The following IL1RAPL2 variants were observed in gnomAD, a reference collection of about 807,000 sequenced individuals.
IL1RAPL2 encodes the protein interleukin 1 receptor accessory protein like 2.
In IL1RAPL2, 3 loss-of-function variants were observed where a neutral mutation model predicts 44.1. That is an observed-to-expected ratio of 0.07 (90% CI 0.03 to 0.18). The LOEUF (loss-of-function observed/expected upper bound fraction) is 0.18, where lower values mean the gene tolerates loss of function less well. Among genes scored for constraint, IL1RAPL2 ranks in the 10% least tolerant of loss-of-function variants. The pLI is 1.00. For missense variants in IL1RAPL2, 391 were observed against 496.4 expected (o/e 0.79, Z 2.02); for synonymous variants, 181 against 178.8 (o/e 1.01, Z -0.10).
intron 2 of IL1RAPL2, among the ~76,000 whole-genome samples, chrX:105,024,054 CTG>C (rs911176649): frequency 9.0e-6 from 1 of 111,455 alleles, no homozygotes; most frequent in Non-Finnish European, 1.9e-5. Flanking sequence ...AACTGAAACT[CTG>C]TGAAATGAGC....
intron 1 of IL1RAPL2, among the ~76,000 whole-genome samples, chrX:104,588,049 C>T (rs766909557): frequency 2.4e-4 from 27 of 111,698 alleles, no homozygotes; most frequent in Non-Finnish European, 4.3e-4. Flanking sequence ...AAAATGAGGG[C>T]TTTGAGGAAT....
intron 1 of IL1RAPL2, among the ~76,000 whole-genome samples, chrX:104,576,793 C>G (rs1269013401): frequency 2.7e-5 from 3 of 111,881 alleles, no homozygotes; most frequent in Non-Finnish European, 5.6e-5. Flanking sequence ...CAACACCTCC[C>G]TCTCCGTTTT....
chrX:105,467,538 A>G (rs1055543790), intron 5 of IL1RAPL2, among the ~76,000 whole-genome samples: 2 of 111,751 alleles, frequency 1.8e-5, no homozygotes, highest in Admixed American at 9.6e-5. Context: ...GTTCAAACAT[A>G]CACGTATTGA....
intron 6 of IL1RAPL2, among the ~76,000 whole-genome samples, chrX:105,553,465 T>C (rs989091528): frequency 1.8e-5 from 2 of 111,854 alleles, no homozygotes; most frequent in Non-Finnish European, 3.8e-5. Context: ...GCTGAGCTAA[T>C]GCCCAGTGCT....
At chrX:104,591,092 C>T (rs1269025671) in intron 1 of IL1RAPL2, among the ~76,000 whole-genome samples, 1 of 111,787 alleles carries the variant, frequency 8.9e-6, no homozygotes, top group East Asian at 2.8e-4. Flanking sequence ...GCTATGGGGG[C>T]AAGTGTCTGA....
chrX:105,351,568 G>A (rs1212154265), intron 5 of IL1RAPL2, among the ~76,000 whole-genome samples: 1 of 110,311 alleles, frequency 9.1e-6, no homozygotes, highest in Admixed American at 9.7e-5. Flanking sequence ...CTCTTAAGTG[G>A]GAGTTGAAAA....
intron 2 of IL1RAPL2, among the ~76,000 whole-genome samples, chrX:105,078,590 G>C (rs752023922): frequency 8.9e-6 from 1 of 112,531 alleles, no homozygotes; most frequent in African/African-American, 3.2e-5. Context: ...GACTGCAGAC[G>C]TTATTGCTGT....
chrX:105,391,368 T>C (rs1047757418), intron 5 of IL1RAPL2, among the ~76,000 whole-genome samples: 1 of 109,530 alleles, frequency 9.1e-6, no homozygotes, highest in South Asian at 4.0e-4. Flanking sequence ...AGAAGACATT[T>C]ATGCAGCCAA....
intron 7 of IL1RAPL2, among the ~76,000 whole-genome samples, chrX:105,738,838 TA>T (rs1398299308): frequency 9.1e-6 from 1 of 110,414 alleles, no homozygotes; most frequent in East Asian, 2.9e-4. Flanking sequence ...TTTGCAGCTT[TA>T]AAAAAAGCAA....
intron 1 of IL1RAPL2, among the ~76,000 whole-genome samples, chrX:104,626,557 T>C (rs1245700031): frequency 9.0e-6 from 1 of 111,185 alleles, no homozygotes; most frequent in Non-Finnish European, 1.9e-5. Flanking sequence ...AGAACTTGGC[T>C]GTTTTATTAA....
intron 1 of IL1RAPL2, among the ~76,000 whole-genome samples, chrX:104,581,699 A>T (rs1928348950): frequency 9.0e-6 from 1 of 111,097 alleles, no homozygotes; most frequent in Non-Finnish European, 1.9e-5. Flanking sequence ...TTCATTAAAT[A>T]AACATCCACT....
intron 1 of IL1RAPL2, among the ~76,000 whole-genome samples, chrX:104,630,984 C>T (rs186594211): frequency 2.7e-5 from 3 of 110,412 alleles, no homozygotes; most frequent in East Asian, 5.7e-4. Flanking sequence ...TGCTATCCTA[C>T]CCCCCTCCCA....
intron 6 of IL1RAPL2, among the ~76,000 whole-genome samples, chrX:105,531,117 T>C (rs1038865388): frequency 7.2e-5 from 8 of 111,686 alleles, no homozygotes; most frequent in African/African-American, 2.6e-4. Flanking sequence ...TGCTGGATCA[T>C]ATGGTAGCTT....
intron 2 of IL1RAPL2, among the ~76,000 whole-genome samples, chrX:104,883,713 T>C (rs1923143530): frequency 9.0e-6 from 1 of 111,192 alleles, no homozygotes; most frequent in Admixed American, 9.6e-5. Flanking sequence ...TGTTACCTTC[T>C]TTAGGCACCC....
intron 5 of IL1RAPL2, among the ~76,000 whole-genome samples, chrX:105,479,739 C>CA (rs2036221642): frequency 9.6e-6 from 1 of 103,720 alleles, no homozygotes; most frequent in African/African-American, 3.6e-5. Context: ...AACTACATCT[C>CA]AAAAAATAAA....
intron 6 of IL1RAPL2, among the ~76,000 whole-genome samples, chrX:105,618,185 A>C (rs1189803115): frequency 9.2e-6 from 1 of 108,872 alleles, no homozygotes; most frequent in Admixed American, 1.0e-4. Flanking sequence ...GGCAGAAAGA[A>C]CAAGCAGAGG....
At chrX:105,437,929 T>G (rs1319660739) in intron 5 of IL1RAPL2, among the ~76,000 whole-genome samples, 1 of 111,923 alleles carries the variant, frequency 8.9e-6, no homozygotes, top group Non-Finnish European at 1.9e-5. Flanking sequence ...AAATTTACTG[T>G]TATAGGCTAA....
chrX:105,172,749 A>G (rs1352791346), intron 2 of IL1RAPL2, among the ~76,000 whole-genome samples: 1 of 111,585 alleles, frequency 9.0e-6, no homozygotes, highest in Middle Eastern at 4.2e-3. Context: ...TGAGCCATAT[A>G]ATGTAACATT....
chrX:105,718,632 A>G (rs1459517888), intron 7 of IL1RAPL2, among the ~76,000 whole-genome samples: 2 of 111,742 alleles, frequency 1.8e-5, no homozygotes, highest in Non-Finnish European at 3.8e-5. Context: ...AAAAAGTCAG[A>G]TTATAGGCTG....
Sources: allele counts gnomAD v4.1 joint callset (sites outside exome capture counted in the v4.1 genomes callset), GRCh38; gene constraint gnomAD v4.1.1; transcripts MANE v1.5; gene names NCBI Gene and HGNC (gene_info 2026-07-23, HGNC 2026-07-21).